ATP13A3: variants seen among roughly 807,000 people sequenced by gnomAD.
The protein encoded by ATP13A3 is polyamine-transporting ATPase 13A3.
A neutral mutation model predicts 158.1 loss-of-function variants in ATP13A3; 59 were observed. The ratio of observed to expected loss-of-function variants is 0.37; its 90% CI spans 0.30 to 0.46. The LOEUF is 0.46. Ranked by LOEUF, ATP13A3 falls within the 20% of genes least tolerant of loss-of-function variation. ATP13A3 has a pLI of 1.00. For missense variants in ATP13A3, 1,166 were observed against 1,525.2 expected, an observed-to-expected ratio of 0.76 and a Z score of 3.92; for synonymous variants, 491 against 504.3, an observed-to-expected ratio of 0.97 and a Z score of 0.35.
In ATP13A3 at chr3:194,428,933, T is replaced by A. The variant is rs61404343; in HGVS notation, c.2875-16A>T. ...TACTTAAGATCTACAGAAGTAATTTTAAAAACATTATTAGTTTTTGGGAAT... is the reference window on the plus strand; with the variant it reads ...TACTTAAGATCTACAGAAGTAATTTAAAAAACATTATTAGTTTTTGGGAAT... On this transcript the variant is annotated splice_polypyrimidine_tract_variant and intron_variant, in intron 27 of 33. Coordinates refer to ENST00000645319, the MANE Select transcript of ATP13A3 (RefSeq NM_001367549.1). 1 of 1,499,874 alleles carries A rather than the reference T, an allele frequency of 6.7e-7. No individual in the cohort carries two copies. The highest frequency in any genetic ancestry group is 1.2e-5 in the South Asian group (1 of 82,510). 92.9% of individuals were successfully genotyped at this position (1,499,874 alleles called of 1,614,324 possible). A position where few individuals can be genotyped will look rare whatever the true frequency, so the allele number is the denominator to read the frequency against.
chr3:194,410,773 C>CTTG (rs1715349545), intron 33 of ATP13A3, among the ~76,000 whole-genome samples: 1 of 152,068 alleles, frequency 6.6e-6, no homozygotes, highest in African/African-American at 2.4e-5. Context: ...GATCAATAGT[C>CTTG]AGAGATCTCT....
intron 20 of ATP13A3, 23 bp downstream of exon 20, chr3:194,437,072 C>G: frequency 6.2e-7 from 1 of 1,608,982 alleles, no homozygotes; most frequent in Non-Finnish European, 8.5e-7. Context: ...GACTGGGAAA[C>G]TAGGAAAGCC....
At chr3:194,450,040 G>T in intron 11 of ATP13A3, 105 bp downstream of exon 11, 1 of 1,179,324 alleles carries the variant, frequency 8.5e-7, no homozygotes, top group Non-Finnish European at 1.2e-6. Context: ...ACATATTCAT[G>T]AGTAAAGGTA....
rs1425643584 is a variant in ATP13A3, at chr3:194,459,819, G to T, written c.378C>A (p.Ile126=). 2 of 1,612,548 alleles carry T rather than the reference G, an allele frequency of 1.2e-6. No individual in the cohort carries two copies. Among genetic ancestry groups the T allele is most frequent in the Admixed American group, 3.3e-5 (2 of 59,926 alleles). The part of the protein sequence containing the change: ...ENPTEENRHR[I]SKYSQTESQQ... ...GTGATTCAGTCTGTGAATATTTACTGATCCTGTGCCTATTTTCTTCAGTGG... is the reference window on the plus strand; with the variant it reads ...GTGATTCAGTCTGTGAATATTTACTTATCCTGTGCCTATTTTCTTCAGTGG... Residue 126 remains isoleucine, a synonymous_variant, in exon 5 of 34, where the codon ATC becomes ATA. Transcript: ENST00000645319.
chr3:194,419,777 A>AT (rs1716156402), intron 31 of ATP13A3, 102 bp downstream of exon 31: 2 of 1,482,716 alleles, frequency 1.3e-6, no homozygotes, highest in Non-Finnish European at 8.9e-7. Context: ...TTGGGTTAAT[A>AT]TAACAGCATC....
chr3:194,435,670 AG>A (rs1409056377), intron 20 of ATP13A3, among the ~76,000 whole-genome samples: 1 of 152,168 alleles, frequency 6.6e-6, no homozygotes, highest in Non-Finnish European at 1.5e-5. Flanking sequence ...GTACTTTGGG[AG>A]GCCAAGGCGG....
intron 31 of ATP13A3, 144 bp downstream of exon 31, chr3:194,419,735 T>G: frequency 2.3e-6 from 3 of 1,320,820 alleles, no homozygotes; most frequent in Non-Finnish European, 3.0e-6. Flanking sequence ...GCTGCTATTT[T>G]CATTAGGTTC....
At chr3:194,441,883 T>C (rs534744813) in intron 15 of ATP13A3, among the ~76,000 whole-genome samples, 2 of 152,300 alleles carry the variant, frequency 1.3e-5, no homozygotes, top group South Asian at 4.1e-4. Flanking sequence ...GCATTAATTA[T>C]GAATAAGCTT....
intron 33 of ATP13A3, among the ~76,000 whole-genome samples, chr3:194,409,036 A>G (rs1305842747): frequency 6.6e-6 from 1 of 152,228 alleles, no homozygotes; most frequent in Non-Finnish European, 1.5e-5. Flanking sequence ...CAGTAGCTAT[A>G]GCAACCGGAT....
At chr3:194,453,649 A>G in intron 10 of ATP13A3, 57 bp downstream of exon 10, 2 of 1,389,404 alleles carry the variant, frequency 1.4e-6, no homozygotes, top group Non-Finnish European at 2.0e-6. Context: ...CTTACTTCAC[A>G]CATTATGCCT....
intron 2 of ATP13A3, among the ~76,000 whole-genome samples, chr3:194,481,469 A>G (rs1348881604): frequency 6.6e-6 from 1 of 152,188 alleles, no homozygotes; most frequent in Non-Finnish European, 1.5e-5. Context: ...CCCAAGCTAG[A>G]GAAAGGATCT....
chr3:194,440,156 G>A (rs1406678535), intron 16 of ATP13A3, among the ~76,000 whole-genome samples: 1 of 152,094 alleles, frequency 6.6e-6, no homozygotes, highest in Non-Finnish European at 1.5e-5. Context: ...TTTCAAATAT[G>A]GAAACAAAGG....
intron 15 of ATP13A3, among the ~76,000 whole-genome samples, chr3:194,443,247 C>T (rs528054849): frequency 3.9e-5 from 6 of 152,102 alleles, no homozygotes; most frequent in South Asian, 2.1e-4. Flanking sequence ...ATCTTACAGT[C>T]CATAGGTTTG....
At chr3:194,476,430 C>T (rs1019741636) in intron 2 of ATP13A3, among the ~76,000 whole-genome samples, 1 of 152,202 alleles carries the variant, frequency 6.6e-6, no homozygotes, top group Non-Finnish European at 1.5e-5. Context: ...TCTGCCCCAC[C>T]ACCCAGCCAC....
At chr3:194,455,074 A>G (rs1259796701) in intron 8 of ATP13A3, among the ~76,000 whole-genome samples, 1 of 152,234 alleles carries the variant, frequency 6.6e-6, no homozygotes, top group Non-Finnish European at 1.5e-5. Context: ...CTTTTAACGA[A>G]ATTGAAAAAT....
At chr3:194,435,943 T>C (rs932889216) in intron 20 of ATP13A3, among the ~76,000 whole-genome samples, 1 of 152,066 alleles carries the variant, frequency 6.6e-6, no homozygotes, top group Non-Finnish European at 1.5e-5. Flanking sequence ...ATTCAGTAAT[T>C]AGTGTTTATG....
At position 194,448,447 on chromosome 3, in the gene ATP13A3, T is replaced by C. The variant is rs934714679; in HGVS notation, c.1150+10A>G. On this transcript the variant is annotated intron_variant, in intron 12 of 33. Coordinates refer to ENST00000645319, the MANE Select transcript of ATP13A3 (RefSeq NM_001367549.1). This position sits in a 1 kb window ranked among gnomAD's most constrained non-coding sequence, Gnocchi z 4.0. ...ACATGCAAAAAGAGATTAATTAAGA[T>C]GTTTCCTACCTGTTCTAACAACTAT... 3.7e-6 allele frequency: 6 copies of C among 1,609,940 alleles called. No individual in the cohort carries two copies. The highest frequency in any genetic ancestry group is 1.7e-5 in the Admixed American group (1 of 59,908).
At chr3:194,481,223 G>GAA (rs144534539) in intron 2 of ATP13A3, among the ~76,000 whole-genome samples, 48 of 136,826 alleles carry the variant, frequency 3.5e-4, no homozygotes, top group Middle Eastern at 3.7e-3. Flanking sequence ...TTCACAAATG[G>GAA]AAAAAAAAAA....
At chr3:194,484,392 C>A (rs1457158324) in intron 2 of ATP13A3, among the ~76,000 whole-genome samples, 1 of 152,042 alleles carries the variant, frequency 6.6e-6, no homozygotes. Flanking sequence ...GCTTGTATAA[C>A]GTGGTGGTTT....
Sources: allele counts gnomAD v4.1 joint callset (sites outside exome capture counted in the v4.1 genomes callset), GRCh38; gene constraint gnomAD v4.1.1; non-coding constraint Gnocchi (gnomAD v3.1); transcripts MANE v1.5; gene names NCBI Gene and HGNC (gene_info 2026-07-23, HGNC 2026-07-21).